TENT2: variants seen among roughly 807,000 people sequenced by gnomAD.
TENT2 encodes poly(A) RNA polymerase GLD2.
TENT2 carries 44 observed loss-of-function variants against 72.2 expected under a neutral mutation model. The observed-to-expected ratio is 0.61, with a 90% CI of 0.48 to 0.78. The LOEUF (loss-of-function observed/expected upper bound fraction) is 0.78, where lower values mean the gene tolerates loss of function less well. TENT2 is among the 30% of genes least tolerant of loss of function. The pLI, the probability that TENT2 is intolerant of heterozygous loss-of-function variation, is 0.00. For missense variants in TENT2, 541 were observed against 569.6 expected (o/e 0.95, Z 0.51); for synonymous variants, 212 against 192.5 (o/e 1.10, Z -0.84).
intron 3 of TENT2, among the ~76,000 whole-genome samples, chr5:79,621,324 AT>A: frequency 6.6e-6 from 1 of 152,362 alleles, no homozygotes; most frequent in South Asian, 2.1e-4. Context: ...TCTCTGAGTC[AT>A]ATGCTTAAAA....
At chr5:79,665,753 T>A (rs1339780742) in intron 11 of TENT2, among the ~76,000 whole-genome samples, 6 of 152,064 alleles carry the variant, frequency 3.9e-5, no homozygotes, top group Non-Finnish European at 2.9e-5. Context: ...AACCCAAAAA[T>A]TTATTTATTA....
intron 4 of TENT2, among the ~76,000 whole-genome samples, chr5:79,636,083 A>G (rs548878082): frequency 9.8e-3 from 147 of 15,022 alleles, no homozygotes; most frequent in African/African-American, 0.042. Flanking sequence ...TACTTGGCCT[A>G]AATAGTTCGC....
At chr5:79,648,742 ATTTT>A in intron 9 of TENT2, 49 bp downstream of exon 9, 1 of 1,360,722 alleles carries the variant, frequency 7.3e-7, no homozygotes, top group Non-Finnish European at 1.0e-6. Context: ...TTCTTTATTC[ATTTT>A]TAAAGATGTT....
chr5:79,635,494 T>G (rs1779363235), intron 4 of TENT2, among the ~76,000 whole-genome samples: 1 of 152,232 alleles, frequency 6.6e-6, no homozygotes, highest in Non-Finnish European at 1.5e-5. Context: ...GTTTCTACAT[T>G]AACAAGGTCA....
chr5:79,662,921 T>C (rs1370135893), intron 11 of TENT2, among the ~76,000 whole-genome samples: 1 of 152,206 alleles, frequency 6.6e-6, no homozygotes, highest in Non-Finnish European at 1.5e-5. Context: ...GAAGCCTGTT[T>C]CATTTACACT....
chr5:79,640,807 C>T (rs1783877330), intron 4 of TENT2, 44 bp from the exon 5 acceptor site: 1 of 1,274,324 alleles, frequency 7.8e-7, no homozygotes. Flanking sequence ...ATTACTTTTA[C>T]ATTGCTGAAC....
Position 79,648,497 on chromosome 5 carries a change from G to A in TENT2, c.822-120G>A, listed in dbSNP as rs1179726917. On this transcript the variant is annotated intron_variant, in intron 8 of 14. Coordinates refer to ENST00000453514, the MANE Select transcript of TENT2 (RefSeq NM_001114394.3). ...GTCATTTTAAAAACACAGATCTATG[G>A]CCTTTGGGCCCATACTATTTTGCAT... is the stretch of plus-strand genomic sequence containing the variant. 7.6e-6 allele frequency: 5 copies of A among 657,042 alleles called. No homozygotes were observed. In the East Asian group the frequency reaches 1.4e-4, roughly 19 times the overall value. The allele number at this position is 657,042 out of a possible 1,614,324, so 40.7% of individuals were successfully genotyped here.
chr5:79,626,295 A>C (rs1220273241), intron 4 of TENT2, among the ~76,000 whole-genome samples: 19 of 148,364 alleles, frequency 1.3e-4, no homozygotes, highest in Non-Finnish European at 2.8e-4. Context: ...GTGGGCCACC[A>C]TGCCCAGCTA....
intron 3 of TENT2, among the ~76,000 whole-genome samples, chr5:79,622,969 T>C (rs1766329137): frequency 6.6e-6 from 1 of 152,146 alleles, no homozygotes; most frequent in African/African-American, 2.4e-5. Flanking sequence ...AAGTTTTCAC[T>C]ACTGAGATGA....
intron 4 of TENT2, among the ~76,000 whole-genome samples, chr5:79,638,089 C>T (rs910533113): frequency 1.2e-4 from 19 of 152,312 alleles, no homozygotes; most frequent in African/African-American, 4.1e-4. Context: ...TGAGCCACCA[C>T]GCCCAGCCTT....
At chr5:79,620,893 A>C (rs532523036) in intron 3 of TENT2, among the ~76,000 whole-genome samples, 1 of 152,322 alleles carries the variant, frequency 6.6e-6, no homozygotes, top group African/African-American at 2.4e-5. Context: ...TTTCTGTGTG[A>C]CATAAAACTT....
chr5:79,683,784 G>A (rs1824184483), intron 14 of TENT2, among the ~76,000 whole-genome samples: 1 of 150,078 alleles, frequency 6.7e-6, no homozygotes, highest in Non-Finnish European at 1.5e-5. Context: ...GCCGGGTGTA[G>A]TGGCGGGCGC....
intron 9 of TENT2, 72 bp from the exon 10 acceptor site, chr5:79,648,990 C>A: frequency 6.7e-7 from 1 of 1,486,950 alleles, no homozygotes; most frequent in Non-Finnish European, 9.2e-7. Flanking sequence ...TGGTATGGAG[C>A]TGGGAAATGA....
chr5:79,665,533 C>T (rs1213882026), intron 11 of TENT2, among the ~76,000 whole-genome samples: 2 of 152,052 alleles, frequency 1.3e-5, no homozygotes, highest in East Asian at 3.9e-4. Context: ...CAGATGTTTT[C>T]CAAGGGATTT....
rs180727150 is a variant in TENT2, at chr5:79,631,129, C to T, written c.465+7640C>T. The stretch of plus-strand genomic sequence containing the variant: ...GGTGTGGAGGGGCTGTCCTGTGTAC[C>T]CTACTACATTTAGTAGCATTCCTGC... On this transcript the variant is annotated intron_variant, in intron 4 of 14. Coordinates refer to ENST00000453514, the MANE Select transcript of TENT2 (RefSeq NM_001114394.3). Among the ~76,000 whole-genome samples the T allele has an allele frequency of 4.3e-3, 654 of 152,200 alleles. 6 individuals carry two copies. Among genetic ancestry groups the T allele is most frequent in the African/African-American group, 0.014 (580 of 41,536 alleles).
chr5:79,669,073 TG>T, intron 12 of TENT2, 45 bp downstream of exon 12: 1 of 1,596,380 alleles, frequency 6.3e-7, no homozygotes, highest in South Asian at 1.1e-5. Context: ...TATGTGTGTG[TG>T]TGTGTATGTA....
chr5:79,647,425 T>G (rs879344870), intron 8 of TENT2, among the ~76,000 whole-genome samples: 2 of 152,214 alleles, frequency 1.3e-5, no homozygotes, highest in African/African-American at 2.4e-5. Context: ...TGAGTTACTA[T>G]GTGGATGTAG....
chr5:79,641,305 T>C, intron 6 of TENT2, 109 bp downstream of exon 6: 2 of 904,344 alleles, frequency 2.2e-6, no homozygotes, highest in Non-Finnish European at 3.2e-6. Flanking sequence ...ATTACTTCTT[T>C]GAATTTTGTT....
rs1580736207 is a variant in TENT2, at chr5:79,688,181, G to C, written c.*2908G>C. Among the ~76,000 whole-genome samples, 1 of 152,320 alleles carries C rather than the reference G, an allele frequency of 6.6e-6. No individual in the cohort carries two copies. Among genetic ancestry groups the C allele is most frequent in the East Asian group, 1.9e-4 (1 of 5,192 alleles). On this transcript the variant is annotated 3_prime_UTR_variant, in exon 15 of 15. Coordinates refer to ENST00000453514, the MANE Select transcript of TENT2 (RefSeq NM_001114394.3). Reference sequence around the variant, plus strand: ...ACTGGTGAATAATCCCCAGCTTACAGTCATATTTAACAACTCTGTGACTTG... The same window carrying C: ...ACTGGTGAATAATCCCCAGCTTACACTCATATTTAACAACTCTGTGACTTG...
Sources: gnomAD v4.1 joint callset for allele counts (sites outside exome capture counted in the v4.1 genomes callset) on GRCh38, gnomAD v4.1.1 for gene constraint, MANE v1.5 for transcripts, NCBI Gene and HGNC (gene_info 2026-07-23, HGNC 2026-07-21) for gene names.